The following CNNM2 variants were observed in gnomAD, a reference collection of about 807,000 sequenced individuals.
CNNM2 encodes metal transporter CNNM2.
In CNNM2, 12 loss-of-function variants were observed where a neutral mutation model predicts 66.9. The observed-to-expected ratio is 0.18, with a 90% CI of 0.11 to 0.29. The LOEUF (loss-of-function observed/expected upper bound fraction) is 0.29. CNNM2 is among the 10% of genes least tolerant of loss of function. The pLI, the probability that CNNM2 is intolerant of heterozygous loss-of-function variation, is 1.00. For missense variants in CNNM2, 705 were observed against 1,167.7 expected (o/e 0.60, Z 5.77); for synonymous variants, 557 against 501.8 (o/e 1.11, Z -1.47).
chr10:103,038,297 A>T (rs1193873538), intron 1 of CNNM2, among the ~76,000 whole-genome samples: 2 of 152,218 alleles, frequency 1.3e-5, no homozygotes, highest in Non-Finnish European at 1.5e-5. Context: ...GTCTTACTGC[A>T]TGGAGATTTT....
At chr10:102,971,644 G>A (rs1452668576) in intron 1 of CNNM2, among the ~76,000 whole-genome samples, 1 of 152,114 alleles carries the variant, frequency 6.6e-6, no homozygotes, top group African/African-American at 2.4e-5. Flanking sequence ...CCAGGGTATG[G>A]TGGCTGTGCA....
chr10:103,034,216 AT>A (rs1398448829), intron 1 of CNNM2, among the ~76,000 whole-genome samples: 1 of 151,962 alleles, frequency 6.6e-6, no homozygotes, highest in Admixed American at 6.5e-5. Context: ...ATAATAATAA[AT>A]AATAGCAATT....
intron 1 of CNNM2, among the ~76,000 whole-genome samples, chr10:102,956,184 A>G (rs1429702738): frequency 6.7e-6 from 1 of 149,554 alleles, no homozygotes; most frequent in African/African-American, 2.5e-5. Context: ...GCTGCTCGGG[A>G]GGCTGAGGCA....
chr10:102,954,558 G>C (rs1770935977), intron 1 of CNNM2, among the ~76,000 whole-genome samples: 1 of 152,144 alleles, frequency 6.6e-6, no homozygotes, highest in Admixed American at 6.6e-5. Context: ...TTGAGCCACT[G>C]TATGCAGTGC....
At chr10:103,049,657 A>G (rs1433478444) in intron 1 of CNNM2, 50 bp from the exon 2 acceptor site, 2 of 1,565,042 alleles carry the variant, frequency 1.3e-6, no homozygotes, top group Non-Finnish European at 1.7e-6. Context: ...ATAACATGTC[A>G]TTCAGAAAAT....
At chr10:102,942,114 C>G (rs2134179955) in intron 1 of CNNM2, among the ~76,000 whole-genome samples, 1 of 152,344 alleles carries the variant, frequency 6.6e-6, no homozygotes, top group South Asian at 2.1e-4. Context: ...ATCAGAAATA[C>G]ATGTAAAACT....
chr10:103,034,972 C>CA lies in CNNM2; in HGVS notation c.1622-14717dup, dbSNP rs71019651. Reference sequence around the variant, plus strand: ...TGGGCGACAGAGCGAGACTCCGTCTCAAAAAAAAAAAAAAAAAATCTCCTA... The same window carrying CA: ...TGGGCGACAGAGCGAGACTCCGTCTCAAAAAAAAAAAAAAAAAAATCTCCTA... On this transcript the variant is annotated intron_variant, in intron 1 of 7. Transcript: ENST00000369878. 0.27 allele frequency among the ~76,000 whole-genome samples: 18,902 copies of CA among 71,048 alleles called. 3,069 individuals carry two copies. Among genetic ancestry groups the CA allele is most frequent in the Non-Finnish European group, 0.33 (12,436 of 37,510 alleles). The allele number at this position is 71,048 out of a possible 152,430, so 46.6% of individuals were successfully genotyped here.
chr10:102,948,657 A>G (rs1191414057), intron 1 of CNNM2, among the ~76,000 whole-genome samples: 3 of 152,224 alleles, frequency 2.0e-5, no homozygotes, highest in East Asian at 1.9e-4. Context: ...TTGGGGGTAC[A>G]TGAGCATGAC....
rs577397055 is a variant in CNNM2, at chr10:102,950,448, CAGTT to C, written c.1621+30349_1621+30352del. Among the ~76,000 whole-genome samples the C allele has an allele frequency of 7.3e-4, 111 of 152,048 alleles. 1 individual carries two copies. The highest frequency in any genetic ancestry group is 2.6e-3 in the African/African-American group (108 of 41,470). The stretch of plus-strand genomic sequence containing the variant: ...ATTTAGTATGATATTAATATTTTGT[CAGTT>C]ATTATTTTTCTTTGAAGGTGATTTA... On this transcript the variant is annotated intron_variant, in intron 1 of 7. Coordinates refer to ENST00000369878, the MANE Select transcript of CNNM2 (RefSeq NM_017649.5).
At chr10:102,957,160 C>T (rs1218572761) in intron 1 of CNNM2, among the ~76,000 whole-genome samples, 1 of 152,076 alleles carries the variant, frequency 6.6e-6, no homozygotes, top group African/African-American at 2.4e-5. Flanking sequence ...AAAAAATTAG[C>T]CAGGCATGGT....
Position 103,054,516 on chromosome 10 carries a change from T to A in CNNM2, c.1903+50T>A. The A allele has an allele frequency of 6.3e-7, 1 of 1,589,602 alleles. No homozygotes were observed. The stretch of plus-strand genomic sequence containing the variant: ...AGATCTCTACCAACCCTGAAGCGTG[T>A]TTCTCACCCACCACTGACTGGGGTG... On this transcript the variant is annotated intron_variant, in intron 3 of 7. Coordinates refer to ENST00000369878, the MANE Select transcript of CNNM2 (RefSeq NM_017649.5). This position sits in a 1 kb window ranked among gnomAD's most constrained non-coding sequence, Gnocchi z 5.2.
At chr10:103,064,245 GAAAAT>G (rs1242783522) in intron 4 of CNNM2, among the ~76,000 whole-genome samples, 1 of 152,226 alleles carries the variant, frequency 6.6e-6, no homozygotes, top group African/African-American at 2.4e-5. Flanking sequence ...GGCAGAATGA[GAAAAT>G]AAAGACAGTT....
At chr10:102,964,060 G>A (rs1179749261) in intron 1 of CNNM2, among the ~76,000 whole-genome samples, 2 of 152,178 alleles carry the variant, frequency 1.3e-5, no homozygotes, top group Non-Finnish European at 2.9e-5. Context: ...CCTTAGGCAA[G>A]TAATGGACTT....
At chr10:103,074,194 A>G (rs913029939) in intron 6 of CNNM2, among the ~76,000 whole-genome samples, 6 of 152,198 alleles carry the variant, frequency 3.9e-5, no homozygotes, top group Admixed American at 1.3e-4. Flanking sequence ...AGGCTGAGGC[A>G]AGAGAATTGC....
rs2066275037 is a variant in CNNM2, at chr10:103,089,975, C to A, written c.*12795C>A. 1 of 1,318,656 alleles carries A rather than the reference C, an allele frequency of 7.6e-7. No individual in the cohort carries two copies. The allele number at this position is 1,318,656 out of a possible 1,614,324, so 81.7% of individuals were successfully genotyped here. On this transcript the variant is annotated 3_prime_UTR_variant, in exon 8 of 8. Transcript: ENST00000369878. ...AAAGTAGCTACTCCCCAAATCCTAA[C>A]CCCTCTCCTCTGTTAGGTGGCCATG...
At chr10:103,010,758 G>A (rs532172400) in intron 1 of CNNM2, among the ~76,000 whole-genome samples, 95 of 151,494 alleles carry the variant, frequency 6.3e-4, no homozygotes, top group Non-Finnish European at 1.0e-3. Context: ...GATTATAGGC[G>A]CCCGCCACCA....
chr10:102,932,087 C>T (rs1315060889), intron 1 of CNNM2, among the ~76,000 whole-genome samples: 1 of 152,090 alleles, frequency 6.6e-6, no homozygotes, highest in African/African-American at 2.4e-5. Context: ...AGTCACTTGT[C>T]AGATATATGA....
At chr10:102,937,605 CCA>C (rs1471356806) in intron 1 of CNNM2, among the ~76,000 whole-genome samples, 1 of 152,058 alleles carries the variant, frequency 6.6e-6, no homozygotes, top group Admixed American at 6.6e-5. Flanking sequence ...TTAATAGTTT[CCA>C]GACTATTAAG....
chr10:102,962,493 G>A (rs1316628156), intron 1 of CNNM2, among the ~76,000 whole-genome samples: 8 of 151,952 alleles, frequency 5.3e-5, no homozygotes. Flanking sequence ...CTGAGGGCAT[G>A]GTCTAACTCA....
Sources: allele counts gnomAD v4.1 joint callset (sites outside exome capture counted in the v4.1 genomes callset), GRCh38; gene constraint gnomAD v4.1.1; non-coding constraint Gnocchi (gnomAD v3.1); transcripts MANE v1.5; gene names NCBI Gene and HGNC (gene_info 2026-07-23, HGNC 2026-07-21).